The following TAFA1 variants were observed in gnomAD, a reference collection of about 807,000 sequenced individuals.
The protein encoded by TAFA1 is chemokine-like protein TAFA-1.
Under a neutral mutation model 18.5 loss-of-function variants are expected in TAFA1, and 4 were observed. That is an observed-to-expected ratio of 0.22 (90% CI 0.11 to 0.49). The LOEUF is 0.49. Among genes scored for constraint, TAFA1 ranks in the 20% least tolerant of loss-of-function variants. The probability of loss-of-function intolerance (pLI) is 0.98; values close to 1 mark genes in which losing one functional copy is unlikely to be tolerated. For missense variants in TAFA1, 147 were observed against 169.0 expected (o/e 0.87, Z 0.72); for synonymous variants, 56 against 55.2 (o/e 1.01, Z -0.06).
chr3:68,519,198 G>A (rs1358780031), intron 3 of TAFA1, among the ~76,000 whole-genome samples: 1 of 152,160 alleles, frequency 6.6e-6, no homozygotes, highest in Non-Finnish European at 1.5e-5. Context: ...CATGTGAGTG[G>A]AATCCTCATG....
At chr3:68,189,365 A>G (rs1269260923) in intron 2 of TAFA1, among the ~76,000 whole-genome samples, 1 of 151,878 alleles carries the variant, frequency 6.6e-6, no homozygotes, top group African/African-American at 2.4e-5. Flanking sequence ...CTTTACTACC[A>G]TTCAACCCTG....
chr3:68,002,704 C>A (rs2106761786), upstream of TAFA1, among the ~76,000 whole-genome samples: 1 of 151,638 alleles, frequency 6.6e-6, no homozygotes, highest in South Asian at 2.1e-4. Context: ...ATATTTTATC[C>A]CAGTGTTTAA....
intron 2 of TAFA1, among the ~76,000 whole-genome samples, chr3:68,243,775 A>G (rs1164665437): frequency 6.6e-6 from 1 of 152,134 alleles, no homozygotes; most frequent in Admixed American, 6.5e-5. Flanking sequence ...AGGAAAGTAA[A>G]TTTTAACTTC....
intron 2 of TAFA1, among the ~76,000 whole-genome samples, chr3:68,277,791 A>G (rs986992308): frequency 6.6e-6 from 1 of 152,172 alleles, no homozygotes; most frequent in Non-Finnish European, 1.5e-5. Flanking sequence ...AAAAGCATTG[A>G]GGTCATCTTT....
At chr3:68,073,449 CTCCTAACTCTTTCTTTT>C in intron 2 of TAFA1, among the ~76,000 whole-genome samples, 1 of 152,192 alleles carries the variant, frequency 6.6e-6, no homozygotes, top group Non-Finnish European at 1.5e-5. Flanking sequence ...TGTCCCCCAC[CTCCTAACTCTTTCTTTT>C]TCCTCTTTAT....
At chr3:68,006,582 T>C (rs1704361866) in intron 1 of TAFA1, 42 bp from the exon 2 acceptor site, 1 of 1,399,354 alleles carries the variant, frequency 7.1e-7, no homozygotes, top group Non-Finnish European at 1.0e-6. Flanking sequence ...AGCTGGGGGC[T>C]TGAAGCCGGA....
intron 3 of TAFA1, among the ~76,000 whole-genome samples, chr3:68,441,075 G>A (rs1218835055): frequency 6.6e-6 from 1 of 152,128 alleles, no homozygotes; most frequent in Admixed American, 6.6e-5. Context: ...ATAAGTTGCT[G>A]CATTTGGCCA....
At chr3:68,227,403 A>G (rs1009455237) in intron 2 of TAFA1, among the ~76,000 whole-genome samples, 3 of 152,232 alleles carry the variant, frequency 2.0e-5, no homozygotes, top group Non-Finnish European at 4.4e-5. Flanking sequence ...AAATGAGGAA[A>G]GGGAATCAAG....
chr3:68,505,568 G>A (rs1168932616), intron 3 of TAFA1, among the ~76,000 whole-genome samples: 1 of 152,122 alleles, frequency 6.6e-6, no homozygotes, highest in Non-Finnish European at 1.5e-5. Context: ...TGCCAGCTGG[G>A]CTGTGTTCTC....
At chr3:68,394,986 G>A (rs2070344994) in intron 2 of TAFA1, among the ~76,000 whole-genome samples, 1 of 152,142 alleles carries the variant, frequency 6.6e-6, no homozygotes. Flanking sequence ...CCCATCAGAA[G>A]AAACTATCAT....
intron 2 of TAFA1, among the ~76,000 whole-genome samples, chr3:68,348,467 T>C (rs1382449967): frequency 6.6e-6 from 1 of 152,198 alleles, no homozygotes; most frequent in Non-Finnish European, 1.5e-5. Flanking sequence ...GTCTTACTCA[T>C]ATGCTTTCTT....
intron 2 of TAFA1, among the ~76,000 whole-genome samples, chr3:68,129,762 TAC>T (rs1268644449): frequency 2.6e-5 from 4 of 152,246 alleles, no homozygotes; most frequent in Non-Finnish European, 4.4e-5. Flanking sequence ...ATCTCTGTAA[TAC>T]AGTGTTTGAC....
intron 2 of TAFA1, among the ~76,000 whole-genome samples, chr3:68,381,444 A>C (rs1383580114): frequency 2.6e-5 from 4 of 151,810 alleles, no homozygotes; most frequent in African/African-American, 4.8e-5. Flanking sequence ...CTTTTATTTC[A>C]TTGAGCAGTG....
chr3:68,533,039 G>C (rs557956272), intron 3 of TAFA1, among the ~76,000 whole-genome samples: 3 of 151,206 alleles, frequency 2.0e-5, no homozygotes, highest in Non-Finnish European at 4.4e-5. Context: ...GGTTTCGAGG[G>C]CTTCAGTATT....
At chr3:68,090,551 A>T (rs1311643052) in intron 2 of TAFA1, among the ~76,000 whole-genome samples, 1 of 152,176 alleles carries the variant, frequency 6.6e-6, no homozygotes, top group Admixed American at 6.5e-5. Context: ...GGGTCTGGAT[A>T]GGAATTCTGC....
At chr3:68,173,929 A>G (rs898924005) in intron 2 of TAFA1, among the ~76,000 whole-genome samples, 21 of 152,294 alleles carry the variant, frequency 1.4e-4, no homozygotes, top group African/African-American at 5.1e-4. Context: ...TCTAACTTGC[A>G]AGAAAATGCA....
chr3:68,022,394 G>A (rs1395717925), intron 2 of TAFA1, among the ~76,000 whole-genome samples: 5 of 152,126 alleles, frequency 3.3e-5, no homozygotes, highest in African/African-American at 1.2e-4. Context: ...TTCCTGACAG[G>A]ACAGACATTC....
intron 2 of TAFA1, among the ~76,000 whole-genome samples, chr3:68,271,768 CT>C (rs2067676545): frequency 6.6e-6 from 1 of 151,952 alleles, no homozygotes; most frequent in Non-Finnish European, 1.5e-5. Flanking sequence ...CATCTCCCCC[CT>C]TCCATATTAG....
At chr3:68,328,404 G>T (rs1203142499) in intron 2 of TAFA1, among the ~76,000 whole-genome samples, 4 of 152,148 alleles carry the variant, frequency 2.6e-5, no homozygotes, top group African/African-American at 7.2e-5. Context: ...ATCCTATTTA[G>T]TTTCAGATTT....
Sources: gnomAD v4.1 joint callset for allele counts (sites outside exome capture counted in the v4.1 genomes callset) on GRCh38, gnomAD v4.1.1 for gene constraint, MANE v1.5 for transcripts, NCBI Gene and HGNC (gene_info 2026-07-23, HGNC 2026-07-21) for gene names.